SLC16A9: variants seen among roughly 807,000 people sequenced by gnomAD.
SLC16A9 encodes monocarboxylate transporter 9.
SLC16A9 carries 26 observed loss-of-function variants against 44.3 expected under a neutral mutation model. That is an observed-to-expected ratio of 0.59 (90% CI 0.43 to 0.81). The LOEUF (loss-of-function observed/expected upper bound fraction) is 0.81. SLC16A9 is among the 40% of genes least tolerant of loss of function. The pLI, the probability that SLC16A9 is intolerant of heterozygous loss-of-function variation, is 0.00. For missense variants in SLC16A9, 559 were observed against 595.8 expected, an observed-to-expected ratio of 0.94 and a Z score of 0.64; for synonymous variants, 230 against 225.1, an observed-to-expected ratio of 1.02 and a Z score of -0.19.
chr10:59,667,078 C>A (rs918792017), intron 3 of SLC16A9, among the ~76,000 whole-genome samples: 3 of 152,112 alleles, frequency 2.0e-5, no homozygotes, highest in African/African-American at 7.2e-5. Flanking sequence ...ATAGCCAATG[C>A]ATGAAGCTAC....
chr10:59,664,167 CT>C (rs567565557), intron 4 of SLC16A9, 59 bp downstream of exon 4: 79 of 1,230,924 alleles, frequency 6.4e-5, no homozygotes, highest in Middle Eastern at 5.8e-4. Flanking sequence ...TGCTTGGTAA[CT>C]TTTTACTTTG....
intron 1 of SLC16A9, among the ~76,000 whole-genome samples, chr10:59,689,578 C>T (rs1365227450): frequency 1.3e-5 from 2 of 152,190 alleles, no homozygotes; most frequent in African/African-American, 2.4e-5. Flanking sequence ...CATGAAAGTG[C>T]ACTGAAGAGA....
At chr10:59,669,941 T>A (rs1839708439) in intron 3 of SLC16A9, among the ~76,000 whole-genome samples, 1 of 152,202 alleles carries the variant, frequency 6.6e-6, no homozygotes, top group African/African-American at 2.4e-5. Flanking sequence ...TACAAAAACC[T>A]AACAAAACAA....
intron 2 of SLC16A9, among the ~76,000 whole-genome samples, chr10:59,683,630 G>A (rs1840070049): frequency 6.6e-6 from 1 of 152,210 alleles, no homozygotes; most frequent in Non-Finnish European, 1.5e-5. Flanking sequence ...ACAGAGAAGA[G>A]TAATCACAAG....
chr10:59,689,625 A>G (rs1425820473), intron 1 of SLC16A9, among the ~76,000 whole-genome samples: 1 of 152,242 alleles, frequency 6.6e-6, no homozygotes, highest in East Asian at 1.9e-4. Context: ...TCCTAGAGAT[A>G]CCGAAGCCTG....
At position 59,681,783 on chromosome 10, in the gene SLC16A9, GATGTAT is replaced by G. The variant is rs6143937; in HGVS notation, c.196+2307_196+2312del. ...ATATGATGTATATGTATATGTATAT[GATGTAT>G]ATGTATATGTATATGTATATGTATA... On this transcript the variant is annotated intron_variant, in intron 2 of 5. Transcript: ENST00000395348. Among the ~76,000 whole-genome samples the G allele has an allele frequency of 3.9e-4, 2 of 5,100 alleles. 1 individual carries two copies. Among genetic ancestry groups the G allele is most frequent in the African/African-American group, 5.0e-4 (2 of 3,986 alleles). 3.3% of individuals were successfully genotyped at this position (5,100 alleles called of 152,430 possible).
At chr10:59,677,698 G>A (rs954951457) in intron 2 of SLC16A9, among the ~76,000 whole-genome samples, 1 of 152,144 alleles carries the variant, frequency 6.6e-6, no homozygotes, top group African/African-American at 2.4e-5. Flanking sequence ...ACTAGGCTGC[G>A]AAGTATGGTT....
Position 59,677,502 on chromosome 10 carries a change from A to G in SLC16A9, c.197-4589T>C, listed in dbSNP as rs544423768. Among the ~76,000 whole-genome samples the G allele has an allele frequency of 2.6e-5, 4 of 152,270 alleles. No individual in the cohort carries two copies. The South Asian group carries it at 8.3e-4, about 32-fold the overall frequency. On this transcript the variant is annotated intron_variant, in intron 2 of 5. Transcript: ENST00000395348. ...CTGGACAGCACAGTACTAGAATCTC[A>G]TATCATGTTAGAAAAGGACACAGAG...
intron 2 of SLC16A9, among the ~76,000 whole-genome samples, chr10:59,674,477 T>G (rs182101911): frequency 6.6e-6 from 1 of 152,308 alleles, no homozygotes; most frequent in East Asian, 1.9e-4. Context: ...CTGATACATT[T>G]GCATGACAAA....
rs1171614 is a variant in SLC16A9, at chr10:59,709,780, T to C, written c.-338A>G. On this transcript the variant is annotated 5_prime_UTR_variant, in exon 1 of 6. Coordinates refer to ENST00000395348, the MANE Select transcript of SLC16A9 (RefSeq NM_194298.3). Reference sequence around the variant, plus strand: ...CTGAGCTCCACCTTCTCTTTCGCCTTCTCCTCCCCGGGGTTTTCCCTGCTG... The same window carrying C: ...CTGAGCTCCACCTTCTCTTTCGCCTCCTCCTCCCCGGGGTTTTCCCTGCTG... 0.79 allele frequency: 120,962 copies of C among 152,774 alleles called. 48,126 individuals are homozygous for C. Among genetic ancestry groups the C allele is most frequent in the East Asian group, 1 (5,154 of 5,162 alleles). 9.5% of individuals were successfully genotyped at this position (152,774 alleles called of 1,614,324 possible). A position where few individuals can be genotyped will look rare whatever the true frequency, so the allele number is the denominator to read the frequency against.
chr10:59,681,635 A>G lies in SLC16A9; in HGVS notation c.196+2461T>C, dbSNP rs58080521. ...ATGTATATGTATATGATGTATATGTATATGTGTATGTGTATGTATATGTAT... is the reference window on the plus strand; with the variant it reads ...ATGTATATGTATATGATGTATATGTGTATGTGTATGTGTATGTATATGTAT... On this transcript the variant is annotated intron_variant, in intron 2 of 5. Coordinates refer to ENST00000395348, the MANE Select transcript of SLC16A9 (RefSeq NM_194298.3). Among the ~76,000 whole-genome samples the G allele has an allele frequency of 5.9e-4, 34 of 58,106 alleles. 10 individuals are homozygous for G. Among genetic ancestry groups the G allele is most frequent in the African/African-American group, 2.2e-3 (31 of 13,934 alleles). 38.1% of individuals were successfully genotyped at this position (58,106 alleles called of 152,430 possible). A position where few individuals can be genotyped will look rare whatever the true frequency, so the allele number is the denominator to read the frequency against.
intron 4 of SLC16A9, among the ~76,000 whole-genome samples, chr10:59,660,049 G>A (rs943626663): frequency 2.0e-5 from 3 of 152,102 alleles, no homozygotes; most frequent in Non-Finnish European, 4.4e-5. Flanking sequence ...GAGAAAGTGG[G>A]AAATATCTAA....
At chr10:59,679,235 A>C (rs553603426) in intron 2 of SLC16A9, among the ~76,000 whole-genome samples, 4 of 152,280 alleles carry the variant, frequency 2.6e-5, no homozygotes, top group Non-Finnish European at 4.4e-5. Flanking sequence ...TATCTAGCCA[A>C]AGGGTGTGTT....
chr10:59,672,464 A>G (rs1213266534), intron 3 of SLC16A9, among the ~76,000 whole-genome samples: 7 of 152,176 alleles, frequency 4.6e-5, no homozygotes. Flanking sequence ...GATGTCAATA[A>G]CATCCAAGTT....
chr10:59,662,351 A>G (rs905330302), intron 4 of SLC16A9, among the ~76,000 whole-genome samples: 1 of 151,926 alleles, frequency 6.6e-6, no homozygotes, highest in African/African-American at 2.4e-5. Flanking sequence ...AAAAGAAGAC[A>G]TCTGGCCAGG....
chr10:59,670,221 C>G (rs1345046927), intron 3 of SLC16A9, among the ~76,000 whole-genome samples: 1 of 152,086 alleles, frequency 6.6e-6, no homozygotes, highest in Non-Finnish European at 1.5e-5. Flanking sequence ...CTGTATGCCT[C>G]TTTATAAACA....
At chr10:59,668,111 GTC>G (rs1839663878) in intron 3 of SLC16A9, among the ~76,000 whole-genome samples, 1 of 151,584 alleles carries the variant, frequency 6.6e-6, no homozygotes, top group Non-Finnish European at 1.5e-5. Flanking sequence ...CCTAATAGCT[GTC>G]TCAGCCTTCA....
At chr10:59,698,599 G>A (rs1263048549) in intron 1 of SLC16A9, among the ~76,000 whole-genome samples, 3 of 152,160 alleles carry the variant, frequency 2.0e-5, no homozygotes, top group African/African-American at 7.2e-5. Flanking sequence ...CCACCCTTCT[G>A]CTGTGCAGCA....
chr10:59,695,554 C>T (rs1006743969), intron 1 of SLC16A9, among the ~76,000 whole-genome samples: 1 of 152,168 alleles, frequency 6.6e-6, no homozygotes, highest in Admixed American at 6.5e-5. Context: ...CGAGCCCCCC[C>T]ACCTCGTCAA....
Sources: allele counts gnomAD v4.1 joint callset (sites outside exome capture counted in the v4.1 genomes callset), GRCh38; gene constraint gnomAD v4.1.1; transcripts MANE v1.5; gene names NCBI Gene and HGNC (gene_info 2026-07-23, HGNC 2026-07-21).